Variants in UST observed in about 807,000 individuals in gnomAD.
UST encodes the protein chondroitin sulfate 2-O-sulfotransferase.
Under a neutral mutation model 45.6 loss-of-function variants are expected in UST, and 21 were observed. The observed-to-expected ratio is 0.46, with a 90% confidence interval of 0.33 to 0.66. The LOEUF (loss-of-function observed/expected upper bound fraction) is 0.66, where lower values mean the gene tolerates loss of function less well. Ranked by LOEUF, UST falls within the 30% of genes least tolerant of loss-of-function variation. The probability of loss-of-function intolerance (pLI) is 0.02; values close to 1 mark genes in which losing one functional copy is unlikely to be tolerated. For missense variants in UST, 463 were observed against 512.4 expected, an observed-to-expected ratio of 0.90 and a Z score of 0.93; for synonymous variants, 215 against 200.6, an observed-to-expected ratio of 1.07 and a Z score of -0.61.
intron 2 of UST, among the ~76,000 whole-genome samples, chr6:148,926,529 C>G (rs1779817685): frequency 6.6e-6 from 1 of 152,194 alleles, no homozygotes; most frequent in Non-Finnish European, 1.5e-5. Flanking sequence ...CAGATCTTGG[C>G]TTGTAGCATG....
chr6:148,926,489 T>C (rs1409791936), intron 2 of UST, among the ~76,000 whole-genome samples: 1 of 152,210 alleles, frequency 6.6e-6, no homozygotes, highest in East Asian at 1.9e-4. Context: ...GGTCTACCTC[T>C]TATCTTCGTT....
intron 4 of UST, among the ~76,000 whole-genome samples, chr6:148,960,108 G>A (rs1780617963): frequency 6.6e-6 from 1 of 151,990 alleles, no homozygotes; most frequent in Non-Finnish European, 1.5e-5. Flanking sequence ...GGCCAACACG[G>A]CGAAACCCCA....
chr6:148,976,057 A>G (rs1227528778), intron 5 of UST, among the ~76,000 whole-genome samples: 1 of 152,250 alleles, frequency 6.6e-6, no homozygotes, highest in Non-Finnish European at 1.5e-5. Flanking sequence ...AGATATTAAG[A>G]TATAAGAAGT....
At chr6:148,859,706 A>G (rs1253520439) in intron 1 of UST, among the ~76,000 whole-genome samples, 1 of 152,210 alleles carries the variant, frequency 6.6e-6, no homozygotes, top group African/African-American at 2.4e-5. Context: ...TCAGCTTTCT[A>G]CATATGGCCA....
chr6:149,050,668 A>C (rs1436901484), intron 7 of UST, among the ~76,000 whole-genome samples: 1 of 152,276 alleles, frequency 6.6e-6, no homozygotes, highest in Admixed American at 6.5e-5. Flanking sequence ...CTCCAAAATA[A>C]AATGACAAAA....
chr6:148,809,596 T>C (rs1227349421), intron 1 of UST, among the ~76,000 whole-genome samples: 1 of 152,242 alleles, frequency 6.6e-6, no homozygotes, highest in African/African-American at 2.4e-5. Flanking sequence ...GAAGGGTATT[T>C]GGAAAGTAGA....
intron 5 of UST, among the ~76,000 whole-genome samples, chr6:148,993,821 C>T (rs1255458636): frequency 2.0e-5 from 3 of 152,312 alleles, no homozygotes; most frequent in East Asian, 3.9e-4. Flanking sequence ...CACCTTCTGC[C>T]ATGATTGGAA....
At chr6:148,909,003 T>C (rs1306980299) in intron 2 of UST, among the ~76,000 whole-genome samples, 1 of 152,240 alleles carries the variant, frequency 6.6e-6, no homozygotes, top group African/African-American at 2.4e-5. Context: ...TGTGGTTGTA[T>C]GACCATTGAA....
intron 1 of UST, among the ~76,000 whole-genome samples, chr6:148,811,947 A>T (rs1043945101): frequency 6.6e-6 from 1 of 152,244 alleles, no homozygotes; most frequent in African/African-American, 2.4e-5. Flanking sequence ...TACCACGATT[A>T]TTCATGGAGA....
chr6:148,770,458 G>C (rs6903915), intron 1 of UST, among the ~76,000 whole-genome samples: 1 of 150,942 alleles, frequency 6.6e-6, no homozygotes, highest in South Asian at 2.1e-4. Flanking sequence ...AAGGGAAGAG[G>C]GTTGCTGCAA....
intron 7 of UST, among the ~76,000 whole-genome samples, chr6:149,068,884 C>T (rs1182201544): frequency 6.6e-6 from 1 of 152,196 alleles, no homozygotes; most frequent in Non-Finnish European, 1.5e-5. Flanking sequence ...AACCTCTCTT[C>T]AGCCCGCTCT....
In UST at chr6:148,755,758, A is replaced by T. The variant is rs532195164; in HGVS notation, c.247+8081A>T. Among the ~76,000 whole-genome samples the T allele has an allele frequency of 2.0e-5, 3 of 152,178 alleles. No homozygotes were observed. The South Asian group carries it at 6.2e-4, about 32-fold the overall frequency. On this transcript the variant is annotated intron_variant, in intron 1 of 7. Coordinates refer to ENST00000367463, the MANE Select transcript of UST (RefSeq NM_005715.3). Reference sequence around the variant, plus strand: ...TAAATTTTGTTAAATATTTTAGATCAAAATGTTGAAGTAATTTACACATAA... The same window carrying T: ...TAAATTTTGTTAAATATTTTAGATCTAAATGTTGAAGTAATTTACACATAA...
At chr6:149,058,845 CATCCTCATATAT>C (rs1020995106) in intron 7 of UST, among the ~76,000 whole-genome samples, 66 of 152,094 alleles carry the variant, frequency 4.3e-4, no homozygotes, top group Admixed American at 2.5e-3. Context: ...CTTTTATTGC[CATCCTCATATAT>C]AAGCCGGTAT....
intron 1 of UST, among the ~76,000 whole-genome samples, chr6:148,824,797 T>C (rs1225236492): frequency 2.1e-5 from 3 of 146,018 alleles, no homozygotes; most frequent in Non-Finnish European, 4.5e-5. Flanking sequence ...TCATCTAGCA[T>C]TAGGTATATC....
At chr6:148,792,180 T>G (rs1776861789) in intron 1 of UST, among the ~76,000 whole-genome samples, 1 of 152,214 alleles carries the variant, frequency 6.6e-6, no homozygotes. Flanking sequence ...TCACTGTTGC[T>G]GATGACCTAG....
intron 1 of UST, among the ~76,000 whole-genome samples, chr6:148,760,047 CA>C (rs997663066): frequency 3.3e-5 from 5 of 152,052 alleles, no homozygotes; most frequent in Non-Finnish European, 7.4e-5. Context: ...TCTTTGGACC[CA>C]AACACTTATT....
intron 4 of UST, among the ~76,000 whole-genome samples, chr6:148,962,190 AT>A (rs763106086): frequency 1.6e-4 from 24 of 152,370 alleles, no homozygotes; most frequent in Middle Eastern, 6.8e-3. Context: ...ATTTTGGAAA[AT>A]TATTCTGGAA....
chr6:149,004,813 G>A (rs1366167575), intron 5 of UST, among the ~76,000 whole-genome samples: 1 of 152,080 alleles, frequency 6.6e-6, no homozygotes, highest in African/African-American at 2.4e-5. Flanking sequence ...CAGGAATAGG[G>A]TCATGCTAGC....
intron 7 of UST, among the ~76,000 whole-genome samples, chr6:149,043,422 T>G (rs1393133241): frequency 6.6e-6 from 1 of 152,226 alleles, no homozygotes; most frequent in East Asian, 1.9e-4. Flanking sequence ...CCATCCAGTT[T>G]ATCAGAAAAA....
Sources: gnomAD v4.1 joint callset for allele counts (sites outside exome capture counted in the v4.1 genomes callset) on GRCh38, gnomAD v4.1.1 for gene constraint, MANE v1.5 for transcripts, NCBI Gene and HGNC (gene_info 2026-07-23, HGNC 2026-07-21) for gene names.